MYO7B: variants seen among roughly 807,000 people sequenced by gnomAD.
The protein encoded by MYO7B is unconventional myosin-VIIb.
In MYO7B, 212 loss-of-function variants were observed where a neutral mutation model predicts 259.7. The ratio of observed to expected loss-of-function variants is 0.82; its 90% CI spans 0.73 to 0.91. MYO7B has a LOEUF of 0.91. Among genes scored for constraint, MYO7B ranks in the 40% least tolerant of loss-of-function variants. The probability of loss-of-function intolerance (pLI) is 0.00; values close to 1 mark genes in which losing one functional copy is unlikely to be tolerated. For missense variants in MYO7B, 2,732 were observed against 2,813.5 expected (o/e 0.97, Z 0.66); for synonymous variants, 1,197 against 1,166.4 (o/e 1.03, Z -0.54).
At chr2:127,553,664 C>A (rs967060268) in intron 1 of MYO7B, among the ~76,000 whole-genome samples, 3 of 152,148 alleles carry the variant, frequency 2.0e-5, no homozygotes, top group Non-Finnish European at 4.4e-5. Flanking sequence ...TTGGAGGAAT[C>A]TTTAGGGTTT....
At chr2:127,605,523 G>A (rs916045738) in intron 19 of MYO7B, among the ~76,000 whole-genome samples, 8 of 152,196 alleles carry the variant, frequency 5.3e-5, no homozygotes, top group African/African-American at 1.9e-4. Flanking sequence ...TCAAACCTGG[G>A]AGGTGGAGGT....
intron 1 of MYO7B, among the ~76,000 whole-genome samples, chr2:127,537,120 T>C (rs1424860046): frequency 6.6e-6 from 1 of 152,262 alleles, no homozygotes. Flanking sequence ...AATGATCTGA[T>C]GAGCCGAGCA....
intron 16 of MYO7B, among the ~76,000 whole-genome samples, chr2:127,591,746 G>A (rs1331746574): frequency 6.6e-5 from 10 of 152,180 alleles, no homozygotes; most frequent in Non-Finnish European, 1.5e-5. Context: ...TGGCTTGTAG[G>A]TGGAGAGGGG....
intron 19 of MYO7B, among the ~76,000 whole-genome samples, chr2:127,599,397 C>T (rs1487424977): frequency 6.6e-6 from 1 of 152,210 alleles, no homozygotes; most frequent in Non-Finnish European, 1.5e-5. Context: ...ACTTCATATC[C>T]TGCAGCCTTG....
intron 9 of MYO7B, among the ~76,000 whole-genome samples, chr2:127,579,906 G>T (rs1679032635): frequency 6.6e-6 from 1 of 152,154 alleles, no homozygotes; most frequent in African/African-American, 2.4e-5. Flanking sequence ...ACATTTAAAA[G>T]CCGGCACATT....
In MYO7B at chr2:127,629,560, C is replaced by T. The variant is rs1159068068; in HGVS notation, c.4625-85C>T. On this transcript the variant is annotated intron_variant, in intron 34 of 47. Transcript: ENST00000409816. ...CCACCACTCTATGCCTCGGTTTCAT[C>T]TGTCAAAGGAGATGACCCACAAAAT... 3.0e-6 allele frequency: 4 copies of T among 1,338,870 alleles called. No individual in the cohort carries two copies. The African/African-American group carries it at 5.9e-5, about 20-fold the overall frequency. The allele number at this position is 1,338,870 out of a possible 1,614,324, so 82.9% of individuals were successfully genotyped here.
intron 1 of MYO7B, among the ~76,000 whole-genome samples, chr2:127,541,605 G>A (rs1033780360): frequency 6.6e-6 from 1 of 152,184 alleles, no homozygotes; most frequent in Non-Finnish European, 1.5e-5. Context: ...ACCTACACGG[G>A]AGCCATATGG....
At chr2:127,574,876 A>G (rs1309178152) in intron 7 of MYO7B, among the ~76,000 whole-genome samples, 1 of 152,226 alleles carries the variant, frequency 6.6e-6, no homozygotes, top group Admixed American at 6.5e-5. Flanking sequence ...GCACTGGGCG[A>G]TCATGTAGCC....
At chr2:127,608,089 G>C (rs28586936) in intron 21 of MYO7B, among the ~76,000 whole-genome samples, 1 of 152,174 alleles carries the variant, frequency 6.6e-6, no homozygotes, top group African/African-American at 2.4e-5. Flanking sequence ...TCGAGTACTC[G>C]AGACTCAACC....
At chr2:127,564,087 T>C in intron 2 of MYO7B, 66 bp from the exon 3 acceptor site, 1 of 1,178,836 alleles carries the variant, frequency 8.5e-7, no homozygotes, top group Non-Finnish European at 1.2e-6. Flanking sequence ...CGAAGAGAAG[T>C]AAGTATCCAG....
rs992731293 is a variant in MYO7B, at chr2:127,628,667, G to T, written c.4624+132G>T. On this transcript the variant is annotated intron_variant, in intron 34 of 47. Transcript: ENST00000409816. The surrounding 1 kb of genome is among the most constrained non-coding windows in gnomAD (Gnocchi z 4.8). ...AAGCAGAGGGAGGGAAGGCCCCAAA[G>T]CTCTGTGGGGGCAGCTTTAGGCAAG... is the stretch of plus-strand genomic sequence containing the variant. 2.0e-6 allele frequency: 2 copies of T among 989,052 alleles called. No homozygotes were observed. The highest frequency in any genetic ancestry group is 3.2e-5 in the African/African-American group (2 of 61,948). The allele number at this position is 989,052 out of a possible 1,614,324, so 61.3% of individuals were successfully genotyped here.
chr2:127,592,663 G>A, intron 16 of MYO7B, 131 bp from the exon 17 acceptor site: 1 of 1,185,496 alleles, frequency 8.4e-7, no homozygotes, highest in South Asian at 1.5e-5. Context: ...AGGACAGTGG[G>A]GGTGGGCGGG....
chr2:127,604,288 T>C (rs2105014746), intron 19 of MYO7B, among the ~76,000 whole-genome samples: 1 of 152,358 alleles, frequency 6.6e-6, no homozygotes, highest in South Asian at 2.1e-4. Context: ...TTAAACCTCA[T>C]GACCCAAACT....
chr2:127,570,270 T>A (rs1678540403), intron 6 of MYO7B, among the ~76,000 whole-genome samples: 1 of 149,738 alleles, frequency 6.7e-6, no homozygotes, highest in Non-Finnish European at 1.5e-5. Context: ...CTGCAAGAGG[T>A]TTATTGAGGG....
chr2:127,603,600 G>T (rs1434305349), intron 19 of MYO7B, among the ~76,000 whole-genome samples: 3 of 152,146 alleles, frequency 2.0e-5, no homozygotes, highest in African/African-American at 7.2e-5. Flanking sequence ...AGGCTTTGTT[G>T]TTTCATTTCT....
rs1053057403 is a variant in MYO7B at position 127,586,910 on chromosome 2, G to A, written c.1691-1482G>A. On this transcript the variant is annotated intron_variant, in intron 14 of 47. Transcript: ENST00000409816. The surrounding 1 kb of genome is among the most constrained non-coding windows in gnomAD (Gnocchi z 4.8). ...GGTGGGGAGCTCTGCCTGAGCCTCA[G>A]GGGTGCAAGGTGTCACCGAGTGTCC... is the stretch of plus-strand genomic sequence containing the variant. Among the ~76,000 whole-genome samples, 2 of 151,980 alleles carry A rather than the reference G, an allele frequency of 1.3e-5. No homozygotes were observed. Among genetic ancestry groups the A allele is most frequent in the Non-Finnish European group, 2.9e-5 (2 of 67,990 alleles).
At chr2:127,564,483 G>C (rs1336551430) in intron 3 of MYO7B, among the ~76,000 whole-genome samples, 1 of 152,218 alleles carries the variant, frequency 6.6e-6, no homozygotes, top group Admixed American at 6.5e-5. Context: ...GTGGGAAAGG[G>C]GCTCTGGAAG....
Position 127,622,069 on chromosome 2 carries a change from C to T in MYO7B, c.3613C>T (p.Arg1205Cys), listed in dbSNP as rs1475337786. 2.2e-5 allele frequency: 34 copies of T among 1,550,692 alleles called. No individual in the cohort carries two copies. The highest frequency in any genetic ancestry group is 3.6e-5 in the South Asian group (3 of 84,020). ...RLRRTYANGV[R>C]AEPPTWLELQ... The stretch of plus-strand genomic sequence containing the variant: ...GAGACGCACCTATGCCAATGGGGTG[C>T]GTGCGGAGCCCCCCACCTGGCTGGA... Residue 1205 changes from arginine to cysteine, a missense_variant, in exon 28 of 48, where the codon CGT becomes TGT. Arg to Cys is a radical substitution (Grantham distance 180). This residue lies in a region of MYO7B where 1,906 missense variants were observed against 2,026.4 expected (regional missense o/e 0.94). Coordinates refer to ENST00000409816, the MANE Select transcript of MYO7B (RefSeq NM_001393586.1).
In MYO7B at chr2:127,603,670, T is replaced by C. The variant is rs552714459; in HGVS notation, c.2340-2174T>C. ...AAGGGCCCTAGGATTTTCAGAGTGGTCAATTAGCATTGGCTTCAGCTTAAA... is the reference window on the plus strand; with the variant it reads ...AAGGGCCCTAGGATTTTCAGAGTGGCCAATTAGCATTGGCTTCAGCTTAAA... On this transcript the variant is annotated intron_variant, in intron 19 of 47. Transcript: ENST00000409816. Among the ~76,000 whole-genome samples, 43 of 152,332 alleles carry C rather than the reference T, an allele frequency of 2.8e-4. 1 individual carries two copies. Among genetic ancestry groups the C allele is most frequent in the African/African-American group, 9.6e-4 (40 of 41,562 alleles).
Sources: allele counts gnomAD v4.1 joint callset (sites outside exome capture counted in the v4.1 genomes callset), GRCh38; gene constraint gnomAD v4.1.1; regional missense constraint gnomAD v4.1.1; non-coding constraint Gnocchi (gnomAD v3.1); transcripts MANE v1.5; gene names NCBI Gene and HGNC (gene_info 2026-07-23, HGNC 2026-07-21).